The following SRGAP3 variants were observed in gnomAD, a reference collection of about 807,000 sequenced individuals.
SRGAP3 encodes SLIT-ROBO Rho GTPase-activating protein 3.
A neutral mutation model predicts 121.1 loss-of-function variants in SRGAP3; 39 were observed. That is an observed-to-expected ratio of 0.32 (90% CI 0.25 to 0.42). SRGAP3 has a LOEUF of 0.42. Ranked by LOEUF, SRGAP3 falls within the 10% of genes least tolerant of loss-of-function variation. The pLI is 1.00. For synonymous variants in SRGAP3, 601 were observed against 570.0 expected (o/e 1.05, Z -0.77); for missense variants, 1,213 against 1,470.6 (o/e 0.82, Z 2.86).
Position 9,144,551 on chromosome 3 carries a change from T to C in SRGAP3, c.68-19634A>G, listed in dbSNP as rs185307533. On this transcript the variant is annotated intron_variant, in intron 1 of 21. Coordinates refer to ENST00000383836, the MANE Select transcript of SRGAP3 (RefSeq NM_014850.4). ...GACCCAGGAGGAGGTAGTTGAATCATGGGGGCCTATCTTTCCCATGCTGTT... is the reference window on the plus strand; with the variant it reads ...GACCCAGGAGGAGGTAGTTGAATCACGGGGGCCTATCTTTCCCATGCTGTT... Among the ~76,000 whole-genome samples the C allele has an allele frequency of 2.7e-3, 405 of 152,348 alleles. 2 individuals are homozygous for C. Among genetic ancestry groups the C allele is most frequent in the Non-Finnish European group, 4.2e-3 (285 of 68,030 alleles).
At chr3:9,006,007 C>T (rs571691120) in intron 18 of SRGAP3, among the ~76,000 whole-genome samples, 17 of 152,246 alleles carry the variant, frequency 1.1e-4, no homozygotes, top group Middle Eastern at 6.8e-3. Flanking sequence ...AGCCAAATGC[C>T]GCAAGCCAGT....
At chr3:9,028,226 G>T in intron 12 of SRGAP3, 1 of 1,535,550 alleles carries the variant, frequency 6.5e-7, no homozygotes, top group Non-Finnish European at 9.0e-7. Flanking sequence ...TTCAGAGTCC[G>T]TGAACGCCGA....
intron 18 of SRGAP3, among the ~76,000 whole-genome samples, chr3:9,005,333 G>A (rs1354749703): frequency 6.6e-6 from 1 of 152,176 alleles, no homozygotes; most frequent in Non-Finnish European, 1.5e-5. Context: ...TGATGATATT[G>A]CAAAATGGTG....
intron 4 of SRGAP3, among the ~76,000 whole-genome samples, chr3:9,071,496 A>G (rs1017383383): frequency 6.6e-6 from 1 of 152,018 alleles, no homozygotes; most frequent in African/African-American, 2.4e-5. Context: ...TTTTCTTTCC[A>G]CTGGAGGGTG....
intron 9 of SRGAP3, among the ~76,000 whole-genome samples, chr3:9,051,440 G>C (rs535114316): frequency 2.6e-5 from 4 of 152,258 alleles, no homozygotes; most frequent in Non-Finnish European, 5.9e-5. Flanking sequence ...GAGACAGCAC[G>C]TATGCTGAGT....
intron 1 of SRGAP3, among the ~76,000 whole-genome samples, chr3:9,227,442 T>G (rs1269756146): frequency 6.6e-6 from 1 of 152,216 alleles, no homozygotes; most frequent in African/African-American, 2.4e-5. Context: ...TTATGTCATT[T>G]AATCCTTGCA....
At chr3:9,119,218 C>G (rs943855897) in intron 2 of SRGAP3, among the ~76,000 whole-genome samples, 1 of 152,216 alleles carries the variant, frequency 6.6e-6, no homozygotes, top group Non-Finnish European at 1.5e-5. Flanking sequence ...CTTGTTGCCT[C>G]TCTTTTCCTC....
intron 1 of SRGAP3, among the ~76,000 whole-genome samples, chr3:9,171,804 CTGA>C (rs1950983770): frequency 6.6e-6 from 1 of 152,076 alleles, no homozygotes; most frequent in South Asian, 2.1e-4. Context: ...GCATCTCGGA[CTGA>C]GTGACTTAAG....
At chr3:9,073,172 C>G (rs1946799092) in intron 4 of SRGAP3, among the ~76,000 whole-genome samples, 1 of 152,198 alleles carries the variant, frequency 6.6e-6, no homozygotes, top group African/African-American at 2.4e-5. Flanking sequence ...AAGACGGGGT[C>G]TTACTCTGTC....
At chr3:9,152,576 C>T (rs981780556) in intron 1 of SRGAP3, among the ~76,000 whole-genome samples, 3 of 152,210 alleles carry the variant, frequency 2.0e-5, no homozygotes, top group African/African-American at 7.2e-5. Flanking sequence ...GAGAGTGGAG[C>T]AGACAGAAGC....
chr3:9,154,264 C>T (rs1950322460), intron 1 of SRGAP3, among the ~76,000 whole-genome samples: 2 of 152,062 alleles, frequency 1.3e-5, no homozygotes, highest in Admixed American at 1.3e-4. Context: ...GCATTCTCAC[C>T]CTCATCACCA....
chr3:9,175,752 T>A (rs995217643), intron 1 of SRGAP3, among the ~76,000 whole-genome samples: 2 of 152,220 alleles, frequency 1.3e-5, no homozygotes, highest in Non-Finnish European at 2.9e-5. Context: ...TTTACCAGCA[T>A]GTCCCAAACC....
At chr3:9,003,472 C>A (rs1325496675) in intron 18 of SRGAP3, among the ~76,000 whole-genome samples, 2 of 92,696 alleles carry the variant, frequency 2.2e-5, no homozygotes, top group Non-Finnish European at 4.5e-5. Context: ...GAGTGAGATT[C>A]CATCTCAAAA....
intron 3 of SRGAP3, among the ~76,000 whole-genome samples, chr3:9,272,880 A>G (rs1049383202): frequency 6.6e-6 from 1 of 152,126 alleles, no homozygotes; most frequent in Admixed American, 6.6e-5. Flanking sequence ...ACAATACACA[A>G]GAGTTTCAAT....
At chr3:9,085,103 C>T (rs890770600) in intron 3 of SRGAP3, among the ~76,000 whole-genome samples, 5 of 152,218 alleles carry the variant, frequency 3.3e-5, no homozygotes, top group Admixed American at 6.5e-5. Flanking sequence ...GCTTCCCTTG[C>T]TTCAATGTCA....
chr3:9,221,154 C>T (rs983345590), intron 1 of SRGAP3, among the ~76,000 whole-genome samples: 8 of 152,328 alleles, frequency 5.3e-5, no homozygotes, highest in African/African-American at 1.9e-4. Flanking sequence ...AACTTCCAGC[C>T]CCTCCTGGTA....
chr3:9,271,367 G>T (rs907499183), intron 3 of SRGAP3, among the ~76,000 whole-genome samples: 3 of 152,166 alleles, frequency 2.0e-5, no homozygotes, highest in Admixed American at 6.5e-5. Context: ...TGGCTATTGA[G>T]GTCTCATGGC....
intron 3 of SRGAP3, among the ~76,000 whole-genome samples, chr3:9,088,951 G>C (rs1329825239): frequency 1.3e-5 from 2 of 152,106 alleles, no homozygotes; most frequent in Non-Finnish European, 2.9e-5. Context: ...ACAGCCCACA[G>C]ATGTATTTTA....
At chr3:9,290,010 C>T (rs1482542021) in intron 3 of SRGAP3, among the ~76,000 whole-genome samples, 1 of 152,114 alleles carries the variant, frequency 6.6e-6, no homozygotes, top group Non-Finnish European at 1.5e-5. Flanking sequence ...ACTCAGGAGG[C>T]TGAGACAGGA....
Sources: allele counts gnomAD v4.1 joint callset (sites outside exome capture counted in the v4.1 genomes callset), GRCh38; gene constraint gnomAD v4.1.1; transcripts MANE v1.5; gene names NCBI Gene and HGNC (gene_info 2026-07-23, HGNC 2026-07-21).